The following FILIP1 variants were observed in gnomAD, a reference collection of about 807,000 sequenced individuals.
The protein encoded by FILIP1 is filamin A interacting protein 1, also known as filamin-A-interacting protein 1.
Under a neutral mutation model 102.1 loss-of-function variants are expected in FILIP1, and 61 were observed. That is an observed-to-expected ratio of 0.60 (90% CI 0.49 to 0.74). The LOEUF is 0.74. FILIP1 is among the 30% of genes least tolerant of loss of function. The probability of loss-of-function intolerance (pLI) is 0.00; values close to 1 mark genes in which losing one functional copy is unlikely to be tolerated. For synonymous variants in FILIP1, 491 were observed against 526.9 expected (o/e 0.93, Z 0.93); for missense variants, 1,314 against 1,441.2 (o/e 0.91, Z 1.43).
At chr6:75,449,366 T>C (rs1278302528) in intron 1 of FILIP1, among the ~76,000 whole-genome samples, 1 of 152,116 alleles carries the variant, frequency 6.6e-6, no homozygotes, top group Non-Finnish European at 1.5e-5. Flanking sequence ...AGACTGCATT[T>C]TGGGTACAGT....
chr6:75,299,419 C>T (rs899305642), intron 6 of FILIP1, among the ~76,000 whole-genome samples: 2 of 152,146 alleles, frequency 1.3e-5, no homozygotes, highest in East Asian at 3.9e-4. Flanking sequence ...AGATAATTAC[C>T]ACCTCTGTCA....
chr6:75,435,145 C>A (rs1777970236), intron 1 of FILIP1, among the ~76,000 whole-genome samples: 1 of 152,250 alleles, frequency 6.6e-6, no homozygotes, highest in East Asian at 1.9e-4. Context: ...GTCTAAAATT[C>A]TCTTCTTTTG....
intron 2 of FILIP1, among the ~76,000 whole-genome samples, chr6:75,398,298 C>T (rs894711708): frequency 5.3e-5 from 8 of 152,086 alleles, no homozygotes; most frequent in Admixed American, 1.3e-4. Context: ...TGGTCTATGA[C>T]GGGTTGACAT....
chr6:75,362,270 T>C (rs1415658631), intron 3 of FILIP1, among the ~76,000 whole-genome samples: 1 of 152,210 alleles, frequency 6.6e-6, no homozygotes, highest in Non-Finnish European at 1.5e-5. Flanking sequence ...GAATTTTGCC[T>C]CTATCACTGT....
At chr6:75,484,904 A>G (rs1259216236) in intron 1 of FILIP1, among the ~76,000 whole-genome samples, 1 of 152,230 alleles carries the variant, frequency 6.6e-6, no homozygotes, top group East Asian at 1.9e-4. Flanking sequence ...AGCTGTTAAT[A>G]TCTTAAAAAT....
chr6:75,490,248 G>A (rs1779917527), intron 1 of FILIP1, among the ~76,000 whole-genome samples: 1 of 151,992 alleles, frequency 6.6e-6, no homozygotes, highest in African/African-American at 2.4e-5. Flanking sequence ...GTTTCTTACT[G>A]AATATCCACT....
At chr6:75,441,829 C>T (rs1247117097) in intron 1 of FILIP1, among the ~76,000 whole-genome samples, 14 of 143,000 alleles carry the variant, frequency 9.8e-5, no homozygotes, top group African/African-American at 3.2e-4. Context: ...GCTGGCCGGG[C>T]GGGGGGCTGG....
At chr6:75,319,602 T>C (rs1188705148) in intron 4 of FILIP1, 1 of 452,298 alleles carries the variant, frequency 2.2e-6, no homozygotes, top group Non-Finnish European at 4.2e-6. Context: ...AGGCCGAGGC[T>C]GGCGGATCAC....
Position 75,314,722 on chromosome 6 carries a change from T to C in FILIP1, c.1110A>G (p.Glu370=). Residue 370 remains glutamate, a synonymous_variant, in exon 5 of 6, where the codon GAA becomes GAG. Coordinates refer to ENST00000237172, the MANE Select transcript of FILIP1 (RefSeq NM_015687.5). ...QELRDKIAKG[E]CGNSSLMAEV... ...CTGCCATGAGGCTAGAGTTTCCACA[T>C]TCTCCTTTGGCAATTTTATCTCTTA... The C allele has an allele frequency of 6.2e-7, 1 of 1,614,188 alleles. No individual in the cohort carries two copies. Among genetic ancestry groups the C allele is most frequent in the Non-Finnish European group, 8.5e-7 (1 of 1,180,024 alleles).
intron 1 of FILIP1, among the ~76,000 whole-genome samples, chr6:75,424,987 A>G (rs1213465295): frequency 6.6e-6 from 1 of 152,166 alleles, no homozygotes; most frequent in Non-Finnish European, 1.5e-5. Context: ...ATCAGTTGTA[A>G]TGTATGAACT....
rs772424046 is a variant in FILIP1, at chr6:75,313,654, A to G, written c.2178T>C (p.Ala726=). Reference sequence around the variant, plus strand: ...TTAATTCGTGAATCTTCTCTTTAAGAGCTTGTACTTCGGCTTTTAAGTCTC... The same window carrying G: ...TTAATTCGTGAATCTTCTCTTTAAGGGCTTGTACTTCGGCTTTTAAGTCTC... ...KSRDLKAEVQ[A]LKEKIHELMN... Residue 726 remains alanine (A), a synonymous_variant, in exon 5 of 6, where the codon GCT becomes GCC. Coordinates refer to ENST00000237172, the MANE Select transcript of FILIP1 (RefSeq NM_015687.5). This position sits in a 1 kb window ranked among gnomAD's most constrained non-coding sequence, Gnocchi z 4.2. 2 of 1,582,194 alleles carry G rather than the reference A, an allele frequency of 1.3e-6. No homozygotes were observed. Among genetic ancestry groups the G allele is most frequent in the Non-Finnish European group, 1.7e-6 (2 of 1,168,680 alleles).
intron 3 of FILIP1, among the ~76,000 whole-genome samples, chr6:75,357,598 T>C (rs1294319942): frequency 2.0e-5 from 3 of 152,254 alleles, no homozygotes; most frequent in Non-Finnish European, 4.4e-5. Flanking sequence ...TTGGTGTATG[T>C]AATGTGTTTC....
intron 1 of FILIP1, among the ~76,000 whole-genome samples, chr6:75,469,213 G>A (rs909975503): frequency 2.6e-5 from 4 of 151,882 alleles, no homozygotes; most frequent in African/African-American, 9.7e-5. Context: ...AATTGAAATG[G>A]GAAGGAATAC....
At chr6:75,295,761 T>G in exon 7 of FILIP1, 1 of 451,138 alleles carries the variant, frequency 2.2e-6, no homozygotes, top group Non-Finnish European at 3.7e-6. Context: ...GCTTTTTACA[T>G]TATATCCTTA....
At chr6:75,346,737 G>T (rs1254017752) in intron 4 of FILIP1, among the ~76,000 whole-genome samples, 1 of 152,078 alleles carries the variant, frequency 6.6e-6, no homozygotes, top group Non-Finnish European at 1.5e-5. Flanking sequence ...ATCCAAAACA[G>T]ACACCCCAGC....
At chr6:75,364,982 T>C (rs1357261764) in intron 2 of FILIP1, among the ~76,000 whole-genome samples, 1 of 152,302 alleles carries the variant, frequency 6.6e-6, no homozygotes, top group South Asian at 2.1e-4. Context: ...TAGTGACTTA[T>C]GTAATGACAG....
chr6:75,485,978 CACACACACACACACACACAT>C (rs1779775142), intron 1 of FILIP1, among the ~76,000 whole-genome samples: 2 of 134,448 alleles, frequency 1.5e-5, no homozygotes. Context: ...AACACACACA[CACACACACACACACACACAT>C]ACACACACAC....
intron 5 of FILIP1, among the ~76,000 whole-genome samples, chr6:75,311,400 C>T (rs1035507414): frequency 1.4e-4 from 21 of 151,822 alleles, no homozygotes; most frequent in African/African-American, 4.6e-4. Context: ...TGCCCTGTTC[C>T]CAGGCTGGTA....
chr6:75,372,907 T>G (rs1233271445), intron 2 of FILIP1, among the ~76,000 whole-genome samples: 1 of 152,044 alleles, frequency 6.6e-6, no homozygotes, highest in Non-Finnish European at 1.5e-5. Flanking sequence ...GTATGTCAGT[T>G]CCTCAAAAAT....
Sources: allele counts gnomAD v4.1 joint callset (sites outside exome capture counted in the v4.1 genomes callset), GRCh38; gene constraint gnomAD v4.1.1; non-coding constraint Gnocchi (gnomAD v3.1); transcripts MANE v1.5; gene names NCBI Gene and HGNC (gene_info 2026-07-23, HGNC 2026-07-21).